Variants in SLC9A9 observed in about 807,000 individuals in gnomAD.
SLC9A9 encodes the protein solute carrier family 9 member A9, also known as sodium/hydrogen exchanger 9.
Under a neutral mutation model 77.8 loss-of-function variants are expected in SLC9A9, and 62 were observed. The ratio of observed to expected loss-of-function variants is 0.80; its 90% CI spans 0.65 to 0.98. The LOEUF (loss-of-function observed/expected upper bound fraction) is 0.98, where lower values mean the gene tolerates loss of function less well. Among genes scored for constraint, SLC9A9 ranks in the 50% least tolerant of loss-of-function variants. The probability of loss-of-function intolerance (pLI) is 0.00; values close to 1 mark genes in which losing one functional copy is unlikely to be tolerated. For synonymous variants in SLC9A9, 320 were observed against 283.5 expected (o/e 1.13, Z -1.29); for missense variants, 775 against 774.9 (o/e 1.00, Z 0.00).
chr3:143,409,225 A>G (rs1247525188), intron 12 of SLC9A9, among the ~76,000 whole-genome samples: 2 of 152,198 alleles, frequency 1.3e-5, no homozygotes, highest in Admixed American at 1.3e-4. Context: ...ATAGTGTAAT[A>G]TCCTTCTATT....
chr3:143,540,232 G>A (rs982323269), intron 9 of SLC9A9, among the ~76,000 whole-genome samples: 1 of 152,084 alleles, frequency 6.6e-6, no homozygotes, highest in African/African-American at 2.4e-5. Context: ...CATTGTTCAA[G>A]TACTCTTAGT....
At chr3:143,409,378 A>T (rs760025613) in intron 12 of SLC9A9, among the ~76,000 whole-genome samples, 3 of 152,222 alleles carry the variant, frequency 2.0e-5, no homozygotes, top group Non-Finnish European at 2.9e-5. Flanking sequence ...AGGTCTCCAT[A>T]TTATAAGCAC....
chr3:143,578,497 G>T (rs889624264), intron 7 of SLC9A9, 88 bp downstream of exon 7: 83 of 1,594,386 alleles, frequency 5.2e-5, no homozygotes, highest in Middle Eastern at 1.7e-4. Context: ...GCCTTTTATG[G>T]GCCTGGAGGT....
intron 5 of SLC9A9, among the ~76,000 whole-genome samples, chr3:143,666,634 A>T (rs1161506445): frequency 6.6e-6 from 1 of 152,248 alleles, no homozygotes; most frequent in Non-Finnish European, 1.5e-5. Context: ...AACTTCAGCA[A>T]AGTCTCAGGA....
intron 12 of SLC9A9, among the ~76,000 whole-genome samples, chr3:143,456,657 C>G (rs1263276337): frequency 6.6e-6 from 1 of 151,786 alleles, no homozygotes; most frequent in Non-Finnish European, 1.5e-5. Context: ...CTCTGCCTCC[C>G]AGGTTCAAGT....
chr3:143,495,923 C>G (rs1346617626), intron 9 of SLC9A9, among the ~76,000 whole-genome samples: 1 of 152,020 alleles, frequency 6.6e-6, no homozygotes, highest in Non-Finnish European at 1.5e-5. Flanking sequence ...GCAGGAGGGA[C>G]AAAGTTGGAA....
intron 6 of SLC9A9, among the ~76,000 whole-genome samples, chr3:143,630,109 GA>G (rs894526956): frequency 3.9e-4 from 59 of 150,826 alleles, no homozygotes; most frequent in Middle Eastern, 3.4e-3. Context: ...GGGAAAAAGA[GA>G]AAAAAAAACT....
intron 12 of SLC9A9, among the ~76,000 whole-genome samples, chr3:143,423,290 G>C (rs1194521747): frequency 6.3e-5 from 5 of 79,658 alleles, no homozygotes; most frequent in Non-Finnish European, 1.3e-4. Context: ...CACACACACA[G>C]AGTTCCTAAT....
chr3:143,425,453 G>T (rs1486578193), intron 12 of SLC9A9, among the ~76,000 whole-genome samples: 4 of 151,870 alleles, frequency 2.6e-5, no homozygotes, highest in East Asian at 1.9e-4. Context: ...AATGGCTGTC[G>T]GTTAACAATG....
At chr3:143,692,486 AG>A (rs1372542596) in intron 5 of SLC9A9, among the ~76,000 whole-genome samples, 1 of 152,164 alleles carries the variant, frequency 6.6e-6, no homozygotes, top group Non-Finnish European at 1.5e-5. Flanking sequence ...GTGGGTGTGG[AG>A]GGGGTATAAA....
At chr3:143,574,587 G>A (rs980736975) in intron 7 of SLC9A9, among the ~76,000 whole-genome samples, 1 of 152,110 alleles carries the variant, frequency 6.6e-6, no homozygotes, top group East Asian at 1.9e-4. Flanking sequence ...ACCAAGGAGC[G>A]CTGCTCCCTC....
chr3:143,833,009 C>G (rs187488643), intron 1 of SLC9A9, among the ~76,000 whole-genome samples: 229 of 152,246 alleles, frequency 1.5e-3, no homozygotes, highest in African/African-American at 5.4e-3. Context: ...AACAATTCAA[C>G]CTAAGTGACA....
chr3:143,786,523 C>T (rs911297156), intron 4 of SLC9A9, among the ~76,000 whole-genome samples: 1 of 152,142 alleles, frequency 6.6e-6, no homozygotes, highest in Non-Finnish European at 1.5e-5. Flanking sequence ...CACCTCTAAA[C>T]TACATCTCTG....
rs1315027896 is a variant in SLC9A9, at chr3:143,265,890, G to GA, written c.*811dup. The stretch of plus-strand genomic sequence containing the variant: ...ATCCTACCCTCCAGCATATCGCGGG[G>GA]AGGGGGGGACCTGCTGCACAGCCAA... On this transcript the variant is annotated 3_prime_UTR_variant, in exon 16 of 16. Transcript: ENST00000316549. 10 of 606,018 alleles carry GA rather than the reference G, an allele frequency of 1.7e-5. No individual in the cohort carries two copies. The East Asian group carries it at 2.5e-4, about 15-fold the overall frequency. 37.5% of individuals were successfully genotyped at this position (606,018 alleles called of 1,614,324 possible). A position where few individuals can be genotyped will look rare whatever the true frequency, so the allele number is the denominator to read the frequency against.
At chr3:143,821,685 T>A (rs1195008467) in intron 2 of SLC9A9, among the ~76,000 whole-genome samples, 2 of 152,244 alleles carry the variant, frequency 1.3e-5, no homozygotes, top group Non-Finnish European at 2.9e-5. Context: ...GATTTGTACC[T>A]TTTGCCAATT....
At chr3:143,315,364 C>T (rs1420351599) in intron 14 of SLC9A9, among the ~76,000 whole-genome samples, 1 of 152,120 alleles carries the variant, frequency 6.6e-6, no homozygotes, top group Non-Finnish European at 1.5e-5. Context: ...GTGGTGAGGG[C>T]TCTAACGGCA....
intron 12 of SLC9A9, among the ~76,000 whole-genome samples, chr3:143,414,709 C>A (rs1320927811): frequency 1.3e-5 from 2 of 152,148 alleles, no homozygotes; most frequent in Non-Finnish European, 2.9e-5. Flanking sequence ...TCTCCTCAGG[C>A]CAGCCTATTC....
At chr3:143,412,842 A>G (rs1427556409) in intron 12 of SLC9A9, among the ~76,000 whole-genome samples, 2 of 152,154 alleles carry the variant, frequency 1.3e-5, no homozygotes, top group Admixed American at 6.5e-5. Context: ...CTCTTCCCAC[A>G]GTGTCTTACA....
intron 4 of SLC9A9, among the ~76,000 whole-genome samples, chr3:143,709,753 T>A (rs1379783361): frequency 1.3e-5 from 2 of 152,226 alleles, no homozygotes; most frequent in East Asian, 1.9e-4. Flanking sequence ...CGTTGTTACC[T>A]CCTGACTCCA....
Sources: allele counts gnomAD v4.1 joint callset (sites outside exome capture counted in the v4.1 genomes callset), GRCh38; gene constraint gnomAD v4.1.1; transcripts MANE v1.5; gene names NCBI Gene and HGNC (gene_info 2026-07-23, HGNC 2026-07-21).